The following PEX5L variants were observed in gnomAD, a reference collection of about 807,000 sequenced individuals.
PEX5L encodes peroxisomal biogenesis factor 5 like, also known as PEX5-related protein.
Under a neutral mutation model 84.0 loss-of-function variants are expected in PEX5L, and 30 were observed. The ratio of observed to expected loss-of-function variants is 0.36; its 90% CI spans 0.27 to 0.48. The LOEUF (loss-of-function observed/expected upper bound fraction) is 0.48, where lower values mean the gene tolerates loss of function less well. Ranked by LOEUF, PEX5L falls within the 20% of genes least tolerant of loss-of-function variation. PEX5L has a pLI of 0.99. For missense variants in PEX5L, 533 were observed against 754.6 expected (o/e 0.71, Z 3.44); for synonymous variants, 270 against 283.1 (o/e 0.95, Z 0.46).
chr3:179,804,163 A>G (rs1444290597), intron 14 of PEX5L: 4 of 151,642 alleles, frequency 2.6e-5, no homozygotes, highest in Non-Finnish European at 5.9e-5. Context: ...TACCTCATCA[A>G]ACGACTCCAG....
intron 8 of PEX5L, among the ~76,000 whole-genome samples, chr3:179,842,285 C>T (rs968165570): frequency 2.0e-5 from 3 of 152,106 alleles, no homozygotes; most frequent in South Asian, 2.1e-4. Flanking sequence ...GTAACTAGGA[C>T]GGGTAGCTGT....
chr3:179,893,037 G>T (rs1341665290), intron 3 of PEX5L, among the ~76,000 whole-genome samples: 2 of 152,242 alleles, frequency 1.3e-5, no homozygotes, highest in East Asian at 1.9e-4. Context: ...GAAGTAAGAA[G>T]ATAGGTGAGA....
chr3:179,898,107 T>C lies in PEX5L; in HGVS notation c.198+35A>G. ...ACAATGTCTGATATATTAACATATGTCAGCTTCCTACAGAAACCCTATGGG... is the reference window on the plus strand; with the variant it reads ...ACAATGTCTGATATATTAACATATGCCAGCTTCCTACAGAAACCCTATGGG... On this transcript the variant is annotated intron_variant, in intron 3 of 14. Coordinates refer to ENST00000467460, the MANE Select transcript of PEX5L (RefSeq NM_016559.3). 2 of 1,341,566 alleles carry C rather than the reference T, an allele frequency of 1.5e-6. 1 individual carries two copies. Among genetic ancestry groups the C allele is most frequent in the Non-Finnish European group, 2.1e-6 (2 of 938,774 alleles). The allele number at this position is 1,341,566 out of a possible 1,614,324, so 83.1% of individuals were successfully genotyped here.
At chr3:179,870,970 T>C (rs890791823) in intron 7 of PEX5L, among the ~76,000 whole-genome samples, 1 of 152,216 alleles carries the variant, frequency 6.6e-6, no homozygotes, top group South Asian at 2.1e-4. Context: ...TTTGTGATTC[T>C]GAAATACAAT....
intron 1 of PEX5L, among the ~76,000 whole-genome samples, chr3:179,985,808 C>T (rs1786759044): frequency 6.6e-6 from 1 of 152,094 alleles, no homozygotes; most frequent in Non-Finnish European, 1.5e-5. Flanking sequence ...TCTGCCTCCC[C>T]TCAGTCCCAT....
intron 1 of PEX5L, among the ~76,000 whole-genome samples, chr3:179,984,621 T>C (rs1290779256): frequency 6.6e-6 from 1 of 152,194 alleles, no homozygotes; most frequent in Non-Finnish European, 1.5e-5. Flanking sequence ...TCTGAGTTGG[T>C]AGAAAAATTA....
chr3:179,875,519 G>A, intron 5 of PEX5L, 42 bp from the exon 6 acceptor site: 1 of 1,580,540 alleles, frequency 6.3e-7, no homozygotes, highest in Non-Finnish European at 8.7e-7. Flanking sequence ...GTGGCGGCAG[G>A]GCGGGGTAGG....
intron 2 of PEX5L, among the ~76,000 whole-genome samples, chr3:179,951,774 G>C (rs1381557724): frequency 6.6e-6 from 1 of 152,196 alleles, no homozygotes; most frequent in African/African-American, 2.4e-5. Flanking sequence ...AGTACATAGA[G>C]TGTATACTCT....
chr3:179,892,671 T>C (rs1418936539), intron 3 of PEX5L, among the ~76,000 whole-genome samples: 1 of 152,104 alleles, frequency 6.6e-6, no homozygotes, highest in East Asian at 1.9e-4. Flanking sequence ...AACCACACAC[T>C]TGAGCCCATT....
rs71182526 is a variant in PEX5L, at chr3:179,954,215, GA to G, written c.93+17378del. 1.4e-3 allele frequency among the ~76,000 whole-genome samples: 192 copies of G among 140,068 alleles called. 2 individuals carry two copies. The highest frequency in any genetic ancestry group is 2.6e-3 in the African/African-American group (93 of 36,062). 91.9% of individuals were successfully genotyped at this position (140,068 alleles called of 152,430 possible). On this transcript the variant is annotated intron_variant, in intron 2 of 14. Coordinates refer to ENST00000467460, the MANE Select transcript of PEX5L (RefSeq NM_016559.3). ...AATTAACCATTAGTCGGGGGGGGGG[GA>G]AAAAGTCAGCCATGAGTAAAAGGGC... is the stretch of plus-strand genomic sequence containing the variant.
In PEX5L at chr3:179,831,699, T is replaced by C. The variant is rs6776380; in HGVS notation, c.823-11723A>G. On this transcript the variant is annotated intron_variant, in intron 8 of 14. Transcript: ENST00000467460. ...TAGACTTAGGAGTTCAGGAGTCTTC[T>C]TGGAAGCAGATAACACCCAACTGAG... Among the ~76,000 whole-genome samples, 919 of 152,234 alleles carry C rather than the reference T, an allele frequency of 6.0e-3. 9 individuals are homozygous for C. Among genetic ancestry groups the C allele is most frequent in the African/African-American group, 0.021 (878 of 41,534 alleles).
intron 8 of PEX5L, among the ~76,000 whole-genome samples, chr3:179,857,055 G>A (rs955390921): frequency 6.6e-6 from 1 of 152,154 alleles, no homozygotes; most frequent in African/African-American, 2.4e-5. Flanking sequence ...CAGCCAGTAT[G>A]GTTTGCTGAA....
intron 7 of PEX5L, among the ~76,000 whole-genome samples, chr3:179,866,365 C>T (rs1748146746): frequency 6.6e-6 from 1 of 152,160 alleles, no homozygotes; most frequent in African/African-American, 2.4e-5. Context: ...AAAGCATATG[C>T]TGGAATCAGA....
intron 2 of PEX5L, among the ~76,000 whole-genome samples, chr3:179,965,796 T>A (rs1434612219): frequency 1.3e-5 from 2 of 152,168 alleles, no homozygotes; most frequent in African/African-American, 4.8e-5. Context: ...TTACTGTTAT[T>A]TTGCCCTCCA....
At chr3:179,930,106 C>G (rs1288815970) in intron 2 of PEX5L, among the ~76,000 whole-genome samples, 1 of 152,138 alleles carries the variant, frequency 6.6e-6, no homozygotes, top group Non-Finnish European at 1.5e-5. Context: ...CCACTCAAAC[C>G]CACTGAATCA....
intron 3 of PEX5L, among the ~76,000 whole-genome samples, chr3:179,893,386 A>G (rs1219178311): frequency 6.6e-6 from 1 of 152,158 alleles, no homozygotes; most frequent in Non-Finnish European, 1.5e-5. Context: ...TAAGATGAAA[A>G]GATGTTTTGC....
At chr3:179,997,232 G>A (rs1251002053) in intron 1 of PEX5L, among the ~76,000 whole-genome samples, 1 of 152,154 alleles carries the variant, frequency 6.6e-6, no homozygotes, top group African/African-American at 2.4e-5. Context: ...AGGGACTACT[G>A]GACACTGGCT....
intron 1 of PEX5L, among the ~76,000 whole-genome samples, chr3:180,000,402 T>C (rs1356647986): frequency 1.3e-5 from 2 of 152,112 alleles, no homozygotes; most frequent in African/African-American, 4.8e-5. Context: ...TGCCCTGTGA[T>C]TAAGGTCAAT....
intron 8 of PEX5L, among the ~76,000 whole-genome samples, chr3:179,843,021 C>T (rs972842787): frequency 2.6e-5 from 4 of 151,662 alleles, no homozygotes; most frequent in Non-Finnish European, 5.9e-5. Context: ...GCTTAAATTA[C>T]TGGAGCAGAA....
Sources: allele counts gnomAD v4.1 joint callset (sites outside exome capture counted in the v4.1 genomes callset), GRCh38; gene constraint gnomAD v4.1.1; transcripts MANE v1.5; gene names NCBI Gene and HGNC (gene_info 2026-07-23, HGNC 2026-07-21).